Variants in TRHDE observed in about 807,000 individuals in gnomAD.
TRHDE encodes the protein thyrotropin releasing hormone degrading enzyme, also known as thyrotropin-releasing hormone-degrading ectoenzyme.
Under a neutral mutation model 125.7 loss-of-function variants are expected in TRHDE, and 72 were observed. That is an observed-to-expected ratio of 0.57 (90% CI 0.47 to 0.70). TRHDE has a LOEUF of 0.70. Among genes scored for constraint, TRHDE ranks in the 30% least tolerant of loss-of-function variants. The probability of loss-of-function intolerance (pLI) is 0.00; values close to 1 mark genes in which losing one functional copy is unlikely to be tolerated. For synonymous variants in TRHDE, 509 were observed against 509.1 expected (o/e 1.00, Z 0.00); for missense variants, 1,110 against 1,327.1 (o/e 0.84, Z 2.54).
intron 3 of TRHDE, among the ~76,000 whole-genome samples, chr12:72,461,425 T>A (rs1055216764): frequency 6.6e-6 from 1 of 152,174 alleles, no homozygotes; most frequent in African/African-American, 2.4e-5. Context: ...TAGTTCTCAT[T>A]TTATAAATAT....
intron 2 of TRHDE, among the ~76,000 whole-genome samples, chr12:72,321,640 C>G (rs12302023): frequency 6.6e-6 from 1 of 151,878 alleles, no homozygotes; most frequent in Non-Finnish European, 1.5e-5. Context: ...GTGAATATTC[C>G]TTAAAATGTA....
At chr12:72,557,206 T>A (rs1869966999) in intron 7 of TRHDE, among the ~76,000 whole-genome samples, 1 of 152,168 alleles carries the variant, frequency 6.6e-6, no homozygotes, top group Non-Finnish European at 1.5e-5. Flanking sequence ...TTTTCCTGAT[T>A]CCTTAAAGGA....
At chr12:72,539,419 G>T (rs1306860858) in intron 6 of TRHDE, among the ~76,000 whole-genome samples, 1 of 151,852 alleles carries the variant, frequency 6.6e-6, no homozygotes, top group Non-Finnish European at 1.5e-5. Flanking sequence ...TGTATATCCT[G>T]GCTGAATAGC....
chr12:72,423,516 C>A lies in TRHDE; in HGVS notation c.1315+45395C>A, dbSNP rs540064355. On this transcript the variant is annotated intron_variant, in intron 3 of 18. Coordinates refer to ENST00000261180, the MANE Select transcript of TRHDE (RefSeq NM_013381.3). ...CCTAGAAATCTGCATTTTTAACAGA[C>A]AACAAAGTGATTCTGATATGGGTGT... Among the ~76,000 whole-genome samples, 9 of 152,244 alleles carry A rather than the reference C, an allele frequency of 5.9e-5. No homozygotes were observed. In the South Asian group the frequency reaches 1.9e-3, roughly 31 times the overall value.
intron 6 of TRHDE, among the ~76,000 whole-genome samples, chr12:72,537,805 G>A (rs1868943276): frequency 6.6e-6 from 1 of 151,980 alleles, no homozygotes. Flanking sequence ...TATGTGCCAG[G>A]AACAGTTTTT....
intron 2 of TRHDE, among the ~76,000 whole-genome samples, chr12:72,355,074 G>A (rs188480791): frequency 1.3e-5 from 2 of 151,558 alleles, no homozygotes; most frequent in Admixed American, 6.6e-5. Flanking sequence ...TGAATACAAC[G>A]TGGGACCTCT....
At chr12:72,484,054 G>A (rs1254349791) in intron 5 of TRHDE, among the ~76,000 whole-genome samples, 12 of 151,938 alleles carry the variant, frequency 7.9e-5, no homozygotes, top group African/African-American at 2.9e-4. Context: ...AAACCTGAAT[G>A]GTATGAGACA....
chr12:72,469,713 G>A (rs774487601), intron 3 of TRHDE, 45 bp from the exon 4 acceptor site: 1 of 1,576,514 alleles, frequency 6.3e-7, no homozygotes. Context: ...TTCAGAATCT[G>A]GTGTCTTTGT....
chr12:72,297,781 TG>T (rs1880358277), intron 2 of TRHDE, among the ~76,000 whole-genome samples: 1 of 152,162 alleles, frequency 6.6e-6, no homozygotes, highest in African/African-American at 2.4e-5. Flanking sequence ...GATGAGAGTG[TG>T]GGCAGAAGTA....
upstream of TRHDE, among the ~76,000 whole-genome samples, chr12:72,268,456 C>A (rs1229316540): frequency 6.6e-6 from 1 of 152,050 alleles, no homozygotes; most frequent in Non-Finnish European, 1.5e-5. Context: ...AAGATACCCC[C>A]AAATCTAACT....
chr12:72,210,700 A>G (rs1250167185), intron 2 of TRHDE, among the ~76,000 whole-genome samples: 3 of 152,220 alleles, frequency 2.0e-5, no homozygotes, highest in African/African-American at 7.2e-5. Flanking sequence ...TTGCATTTGT[A>G]TGAACAGGAA....
upstream of TRHDE, chr12:72,271,813 C>T (rs1236663508): frequency 1.7e-5 from 7 of 423,406 alleles, no homozygotes; most frequent in South Asian, 1.0e-4. Flanking sequence ...AAACCCAGAG[C>T]TTCATCTACC....
chr12:72,366,762 T>C (rs901543554), intron 2 of TRHDE, among the ~76,000 whole-genome samples: 1 of 151,774 alleles, frequency 6.6e-6, no homozygotes, highest in African/African-American at 2.4e-5. Context: ...GAATTTTTAG[T>C]AAAATTCTGT....
At chr12:72,269,581 A>G (rs1879146207), upstream of TRHDE, among the ~76,000 whole-genome samples, 1 of 152,188 alleles carries the variant, frequency 6.6e-6, no homozygotes, top group Admixed American at 6.5e-5. Flanking sequence ...GAGAGGAAAG[A>G]GATAACAGAC....
chr12:72,647,630 AGAAACTACTAT>A (rs1477201817), intron 15 of TRHDE, among the ~76,000 whole-genome samples: 1 of 152,098 alleles, frequency 6.6e-6, no homozygotes, highest in African/African-American at 2.4e-5. Context: ...GAGGATCAAA[AGAAACTACTAT>A]GAACAATTAT....
intron 2 of TRHDE, among the ~76,000 whole-genome samples, chr12:72,292,023 A>C (rs1007906688): frequency 6.6e-6 from 1 of 152,212 alleles, no homozygotes; most frequent in Non-Finnish European, 1.5e-5. Flanking sequence ...TTTATGTATC[A>C]AGTTATATCC....
At chr12:72,263,794 T>A (rs1186912881) in intron 2 of TRHDE, 1 of 152,082 alleles carries the variant, frequency 6.6e-6, no homozygotes, top group Non-Finnish European at 1.5e-5. Context: ...CTTAAAACTT[T>A]TTTGTTGTTG....
chr12:72,454,372 T>A (rs1875736408), intron 3 of TRHDE, among the ~76,000 whole-genome samples: 1 of 152,114 alleles, frequency 6.6e-6, no homozygotes, highest in Non-Finnish European at 1.5e-5. Flanking sequence ...CTAATATAAT[T>A]TATAAATTGA....
At chr12:72,159,234 A>G (rs185315917) in intron 2 of TRHDE, among the ~76,000 whole-genome samples, 44 of 152,378 alleles carry the variant, frequency 2.9e-4, no homozygotes, top group Non-Finnish European at 6.2e-4. Context: ...GTTACTGATA[A>G]TTAACCACAG....
Sources: gnomAD v4.1 joint callset for allele counts (sites outside exome capture counted in the v4.1 genomes callset) on GRCh38, gnomAD v4.1.1 for gene constraint, MANE v1.5 for transcripts, NCBI Gene and HGNC (gene_info 2026-07-23, HGNC 2026-07-21) for gene names.